The following PPP2R5E variants were observed in gnomAD, a reference collection of about 807,000 sequenced individuals.
The protein encoded by PPP2R5E is serine/threonine-protein phosphatase 2A 56 kDa regulatory subunit epsilon isoform.
In PPP2R5E, 4 loss-of-function variants were observed where a neutral mutation model predicts 65.3. The ratio of observed to expected loss-of-function variants is 0.06; its 90% CI spans 0.03 to 0.14. PPP2R5E has a LOEUF of 0.14. Ranked by LOEUF, PPP2R5E falls within the 10% of genes least tolerant of loss-of-function variation. The pLI is 1.00. For missense variants in PPP2R5E, 274 were observed against 556.1 expected, an observed-to-expected ratio of 0.49 and a Z score of 5.10; for synonymous variants, 183 against 187.4, an observed-to-expected ratio of 0.98 and a Z score of 0.19.
chr14:63,485,995 A>G (rs887513836), intron 2 of PPP2R5E, among the ~76,000 whole-genome samples: 16 of 149,720 alleles, frequency 1.1e-4, no homozygotes, highest in African/African-American at 3.7e-4. Context: ...ACGCCCAGCT[A>G]ATTTTTGTAT....
At chr14:63,457,608 G>A (rs192799972) in intron 2 of PPP2R5E, among the ~76,000 whole-genome samples, 29 of 152,250 alleles carry the variant, frequency 1.9e-4, no homozygotes, top group Admixed American at 1.4e-3. Context: ...GGATGCTTCC[G>A]TCACCTATCT....
chr14:63,507,789 A>G (rs991409528), intron 2 of PPP2R5E, among the ~76,000 whole-genome samples: 7 of 152,060 alleles, frequency 4.6e-5, no homozygotes, highest in African/African-American at 1.7e-4. Context: ...CATGTTAGCC[A>G]GGATGGTCTC....
At chr14:63,520,552 G>A (rs1237963734) in intron 2 of PPP2R5E, among the ~76,000 whole-genome samples, 1 of 152,144 alleles carries the variant, frequency 6.6e-6, no homozygotes, top group Non-Finnish European at 1.5e-5. Context: ...AGTGTCTGGT[G>A]TATCATATGG....
At chr14:63,394,903 C>T (rs993748068) in intron 7 of PPP2R5E, among the ~76,000 whole-genome samples, 1 of 152,188 alleles carries the variant, frequency 6.6e-6, no homozygotes, top group African/African-American at 2.4e-5. Flanking sequence ...AGGCAAAGGA[C>T]CAGATAGCCT....
intron 4 of PPP2R5E, among the ~76,000 whole-genome samples, chr14:63,420,235 C>T (rs1268133730): frequency 6.6e-6 from 1 of 152,142 alleles, no homozygotes; most frequent in Non-Finnish European, 1.5e-5. Context: ...TGTGAGACTA[C>T]TGAGGAGATC....
At chr14:63,478,905 T>G (rs1163954511) in intron 2 of PPP2R5E, among the ~76,000 whole-genome samples, 1 of 151,976 alleles carries the variant, frequency 6.6e-6, no homozygotes, top group Non-Finnish European at 1.5e-5. Flanking sequence ...GGCAGATCAC[T>G]TGAGGCCAGG....
chr14:63,415,361 C>G, intron 4 of PPP2R5E, 129 bp from the exon 5 acceptor site: 4 of 523,076 alleles, frequency 7.6e-6, no homozygotes, highest in East Asian at 6.6e-5. Flanking sequence ...ATCAACAAAC[C>G]AGGCCAGCCT....
rs141005254 is a variant in PPP2R5E at position 63,500,605 on chromosome 14, G to A, written c.157+38924C>T. 1.4e-3 allele frequency among the ~76,000 whole-genome samples: 210 copies of A among 152,298 alleles called. 1 individual carries two copies. Among genetic ancestry groups the A allele is most frequent in the African/African-American group, 4.7e-3 (194 of 41,560 alleles). On this transcript the variant is annotated intron_variant, in intron 2 of 13. Coordinates refer to ENST00000337537, the MANE Select transcript of PPP2R5E (RefSeq NM_006246.5). ...TGACAGATCCCTGGGTGGGCACAGC[G>A]GGCTTTGGGAGGCCACGGCAAGAGG... is the stretch of plus-strand genomic sequence containing the variant.
At chr14:63,483,934 G>A (rs948993529) in intron 2 of PPP2R5E, among the ~76,000 whole-genome samples, 1 of 151,854 alleles carries the variant, frequency 6.6e-6, no homozygotes, top group Non-Finnish European at 1.5e-5. Context: ...AATACAAAAA[G>A]TAGACGGGAC....
chr14:63,512,424 TCTC>T (rs1892503320), intron 2 of PPP2R5E, among the ~76,000 whole-genome samples: 1 of 152,346 alleles, frequency 6.6e-6, no homozygotes, highest in East Asian at 1.9e-4. Flanking sequence ...GTATTGAAAG[TCTC>T]TGGTAGACTC....
intron 2 of PPP2R5E, among the ~76,000 whole-genome samples, chr14:63,484,378 C>CACACAT (rs1555364917): frequency 2.9e-4 from 44 of 151,632 alleles, no homozygotes; most frequent in African/African-American, 9.9e-4. Context: ...CACACACACA[C>CACACAT]ACACACACAA....
At chr14:63,529,361 CTT>C (rs557363996) in intron 2 of PPP2R5E, among the ~76,000 whole-genome samples, 10 of 129,596 alleles carry the variant, frequency 7.7e-5, no homozygotes, top group Non-Finnish European at 1.3e-4. Context: ...AGCCCAAAGA[CTT>C]TTTTTTTTTT....
intron 4 of PPP2R5E, 101 bp from the exon 5 acceptor site, chr14:63,415,333 A>G: frequency 1.4e-6 from 1 of 732,824 alleles, no homozygotes; most frequent in African/African-American, 1.8e-5. Context: ...AGGGCTTAGA[A>G]AATTGATTTT....
chr14:63,423,679 A>C (rs1887168498), intron 3 of PPP2R5E, among the ~76,000 whole-genome samples: 1 of 152,236 alleles, frequency 6.6e-6, no homozygotes, highest in Non-Finnish European at 1.5e-5. Context: ...CTGCTCTGAA[A>C]GAGGAAAGAA....
chr14:63,398,402 G>A (rs1273772608), intron 5 of PPP2R5E, among the ~76,000 whole-genome samples: 1 of 152,166 alleles, frequency 6.6e-6, no homozygotes, highest in African/African-American at 2.4e-5. Flanking sequence ...CAGATTAATG[G>A]AATAGAATTA....
At chr14:63,527,799 G>A (rs971499547) in intron 2 of PPP2R5E, among the ~76,000 whole-genome samples, 1 of 152,126 alleles carries the variant, frequency 6.6e-6, no homozygotes, top group Non-Finnish European at 1.5e-5. Flanking sequence ...GCTGGGCGTG[G>A]TGGTGGGTGC....
Position 63,399,384 on chromosome 14 carries a change from T to C in PPP2R5E, c.550-2668A>G, listed in dbSNP as rs1386562577. On this transcript the variant is annotated intron_variant, in intron 5 of 13. Transcript: ENST00000337537. ...TTTCTTTCTTTTTTTTTTTTTTTTT[T>C]TTTTTTTTTTTTTTGAGACAGAGTC... Among the ~76,000 whole-genome samples, 3 of 128,302 alleles carry C rather than the reference T, an allele frequency of 2.3e-5. No homozygotes were observed. In the East Asian group the frequency reaches 6.5e-4, roughly 28 times the overall value. The allele number at this position is 128,302 out of a possible 152,430, so 84.2% of individuals were successfully genotyped here.
chr14:63,534,488 T>C (rs893144814), intron 2 of PPP2R5E, among the ~76,000 whole-genome samples: 2 of 152,124 alleles, frequency 1.3e-5, no homozygotes, highest in Non-Finnish European at 2.9e-5. Context: ...GGTCTCAAAC[T>C]CTTGACCTCA....
chr14:63,438,725 T>C (rs1888058139), intron 3 of PPP2R5E, among the ~76,000 whole-genome samples: 1 of 152,188 alleles, frequency 6.6e-6, no homozygotes. Flanking sequence ...ATGAAGCAAA[T>C]AGCAATCTCG....
Sources: gnomAD v4.1 joint callset for allele counts (sites outside exome capture counted in the v4.1 genomes callset) on GRCh38, gnomAD v4.1.1 for gene constraint, MANE v1.5 for transcripts, NCBI Gene and HGNC (gene_info 2026-07-23, HGNC 2026-07-21) for gene names.